The following KLHL32 variants were observed in gnomAD, a reference collection of about 807,000 sequenced individuals.
The protein encoded by KLHL32 is kelch like family member 32, also known as kelch-like protein 32.
KLHL32 carries 35 observed loss-of-function variants against 64.8 expected under a neutral mutation model. That is an observed-to-expected ratio of 0.54 (90% CI 0.41 to 0.72). The LOEUF is 0.72. KLHL32 is among the 30% of genes least tolerant of loss of function. KLHL32 has a pLI of 0.00. For missense variants in KLHL32, 589 were observed against 768.5 expected, an observed-to-expected ratio of 0.77 and a Z score of 2.76; for synonymous variants, 259 against 281.0, an observed-to-expected ratio of 0.92 and a Z score of 0.78.
At chr6:97,088,522 T>C (rs1793765198) in intron 6 of KLHL32, among the ~76,000 whole-genome samples, 1 of 152,164 alleles carries the variant, frequency 6.6e-6, no homozygotes, top group Non-Finnish European at 1.5e-5. Flanking sequence ...GGTCTTACCA[T>C]AGGAGCTGGG....
intron 1 of KLHL32, among the ~76,000 whole-genome samples, chr6:96,936,352 A>T (rs9481138): frequency 0.72 from 109,290 of 152,068 alleles, 39,441 homozygotes; most frequent in South Asian, 0.78. Context: ...ACCCAAAGAA[A>T]GTGAAATGAT....
At chr6:97,111,249 C>T (rs1194730049) in intron 6 of KLHL32, among the ~76,000 whole-genome samples, 1 of 152,204 alleles carries the variant, frequency 6.6e-6, no homozygotes, top group Non-Finnish European at 1.5e-5. Context: ...GCATCCTGTC[C>T]CCTGCAAGAG....
chr6:97,095,479 G>A (rs1396608490), intron 6 of KLHL32, among the ~76,000 whole-genome samples: 3 of 152,196 alleles, frequency 2.0e-5, no homozygotes. Flanking sequence ...TGGATTCTGG[G>A]AGTTAGAATA....
intron 9 of KLHL32, 140 bp downstream of exon 9, chr6:97,131,089 G>A: frequency 1.4e-6 from 1 of 722,064 alleles, no homozygotes; most frequent in Non-Finnish European, 2.3e-6. Flanking sequence ...AGAAAGGTGT[G>A]TATCATTTAT....
At position 96,997,840 on chromosome 6, in the gene KLHL32, A is replaced by G. The variant is rs562822480; in HGVS notation, c.204+21663A>G. ...CAACCATACAAACCATAAAAAACGT[A>G]CAAACCAACCAACCAAAAACAGCTT... On this transcript the variant is annotated intron_variant, in intron 3 of 10. Coordinates refer to ENST00000369261, the MANE Select transcript of KLHL32 (RefSeq NM_052904.4). Among the ~76,000 whole-genome samples the G allele has an allele frequency of 1.6e-4, 24 of 152,304 alleles. No individual in the cohort carries two copies. In the South Asian group the frequency reaches 5.0e-3, roughly 32 times the overall value.
At position 96,928,878 on chromosome 6, in the gene KLHL32, A is replaced by G. The variant is rs527471950; in HGVS notation, c.-66+3852A>G. Among the ~76,000 whole-genome samples, 6 of 152,338 alleles carry G rather than the reference A, an allele frequency of 3.9e-5. No individual in the cohort carries two copies. In the South Asian group the frequency reaches 1.2e-3, roughly 32 times the overall value. On this transcript the variant is annotated intron_variant, in intron 1 of 10. Transcript: ENST00000369261. ...AGATACAGATTTTAAGGTTGCATAT[A>G]CTTTTGATGAAGTCTTATATGTTTG...
intron 3 of KLHL32, among the ~76,000 whole-genome samples, chr6:97,023,263 G>A (rs7748086): frequency 0.066 from 9,980 of 152,190 alleles, 701 homozygotes; most frequent in African/African-American, 0.18. Flanking sequence ...TGAAGGCATA[G>A]GACTGGTTAG....
At position 96,978,442 on chromosome 6, in the gene KLHL32, G is replaced by T. The variant is rs141127693; in HGVS notation, c.204+2265G>T. ...AGTTAGCTTAGAATAATGGCCTCCA[G>T]CTCCATCCATGTTGCTGCAAAGGAC... On this transcript the variant is annotated intron_variant, in intron 3 of 10. Coordinates refer to ENST00000369261, the MANE Select transcript of KLHL32 (RefSeq NM_052904.4). Among the ~76,000 whole-genome samples the T allele has an allele frequency of 2.0e-5, 3 of 152,236 alleles. No homozygotes were observed. In the East Asian group the frequency reaches 5.8e-4, roughly 29 times the overall value.
At chr6:97,004,601 G>T (rs1779433791) in intron 3 of KLHL32, among the ~76,000 whole-genome samples, 1 of 151,984 alleles carries the variant, frequency 6.6e-6, no homozygotes, top group Non-Finnish European at 1.5e-5. Flanking sequence ...TAGTATGTTT[G>T]CTGAGGGTTT....
intron 1 of KLHL32, among the ~76,000 whole-genome samples, chr6:96,951,981 C>T (rs1033946161): frequency 1.8e-4 from 27 of 152,292 alleles, no homozygotes; most frequent in African/African-American, 6.3e-4. Context: ...TTTGCACATT[C>T]TCCCCATGTC....
In KLHL32 at chr6:97,085,311, G is replaced by A. The variant is rs141573368; in HGVS notation, c.597G>A (p.Leu199=). 3,676 of 1,612,858 alleles carry A rather than the reference G, an allele frequency of 2.3e-3. 88 individuals carry two copies. The African/African-American group carries it at 0.044, about 19-fold the overall frequency. The change falls in exon 6 of 11, where the codon CTG becomes CTA. Residue 199 remains leucine, a synonymous_variant. Transcript: ENST00000369261. ...AGGAGGTGCTGAAGAGCGACCGCCT[G>A]ACCTCCCTGAGTGAAGAGCAGATCT... ...LLQEVLKSDR[L]TSLSEEQIWQ...
intron 3 of KLHL32, among the ~76,000 whole-genome samples, chr6:96,978,275 T>C (rs938611759): frequency 5.3e-5 from 8 of 152,252 alleles, no homozygotes; most frequent in Middle Eastern, 3.4e-3. Flanking sequence ...AGCTAGTTTT[T>C]CAATTTTCTC....
chr6:96,955,952 C>CA (rs1773207760), intron 1 of KLHL32, among the ~76,000 whole-genome samples: 5 of 152,032 alleles, frequency 3.3e-5, no homozygotes, highest in African/African-American at 1.2e-4. Flanking sequence ...ACAATAACAA[C>CA]AAAAAATATA....
At chr6:96,950,069 TGATATTAA>T (rs745710437) in intron 1 of KLHL32, among the ~76,000 whole-genome samples, 1 of 152,148 alleles carries the variant, frequency 6.6e-6, no homozygotes, top group African/African-American at 2.4e-5. Flanking sequence ...GATTTTAAAG[TGATATTAA>T]TTTAAAAATT....
At chr6:96,906,501 G>A in the KLHL32 span, among the ~76,000 whole-genome samples, 1 of 152,162 alleles carries the variant, frequency 6.6e-6, no homozygotes, top group Non-Finnish European at 1.5e-5. Flanking sequence ...AAATTAGAGA[G>A]CCATAGGTCT....
chr6:97,060,106 C>A (rs545913482), intron 4 of KLHL32, among the ~76,000 whole-genome samples: 1 of 152,236 alleles, frequency 6.6e-6, no homozygotes, highest in Non-Finnish European at 1.5e-5. Flanking sequence ...ATCCTTCAGT[C>A]CACTGTACAC....
chr6:97,008,032 G>A (rs1427527204), intron 3 of KLHL32, among the ~76,000 whole-genome samples: 3 of 147,840 alleles, frequency 2.0e-5, no homozygotes, highest in Non-Finnish European at 3.0e-5. Context: ...AGTGGAAGCA[G>A]GGCAGTGGCA....
At chr6:96,940,353 AG>A (rs1288951742) in intron 1 of KLHL32, among the ~76,000 whole-genome samples, 3 of 152,196 alleles carry the variant, frequency 2.0e-5, no homozygotes, top group Non-Finnish European at 4.4e-5. Flanking sequence ...ATAAGCAAAA[AG>A]GAGAAAAAAA....
chr6:97,045,769 A>T (rs1238694499), intron 4 of KLHL32, among the ~76,000 whole-genome samples: 1 of 152,180 alleles, frequency 6.6e-6, no homozygotes, highest in Non-Finnish European at 1.5e-5. Flanking sequence ...CACACAAAGG[A>T]TCTATGAAAT....
Sources: allele counts gnomAD v4.1 joint callset (sites outside exome capture counted in the v4.1 genomes callset), GRCh38; gene constraint gnomAD v4.1.1; transcripts MANE v1.5; gene names NCBI Gene and HGNC (gene_info 2026-07-23, HGNC 2026-07-21).